The following OSBPL1A variants were observed in gnomAD, a reference collection of about 807,000 sequenced individuals.
OSBPL1A encodes oxysterol binding protein like 1A, also known as oxysterol-binding protein-related protein 1.
In OSBPL1A, 80 loss-of-function variants were observed where a neutral mutation model predicts 137.1. The observed-to-expected ratio is 0.58, with a 90% CI of 0.49 to 0.70. OSBPL1A has a LOEUF of 0.70. Among genes scored for constraint, OSBPL1A ranks in the 30% least tolerant of loss-of-function variants. The pLI is 0.00. For synonymous variants in OSBPL1A, 365 were observed against 389.7 expected, an observed-to-expected ratio of 0.94 and a Z score of 0.75; for missense variants, 970 against 1,129.4, an observed-to-expected ratio of 0.86 and a Z score of 2.02.
intron 4 of OSBPL1A, among the ~76,000 whole-genome samples, chr18:24,356,199 A>G (rs1034689251): frequency 6.6e-6 from 1 of 151,874 alleles, no homozygotes; most frequent in African/African-American, 2.4e-5. Flanking sequence ...AAAAGTTATG[A>G]TACCTTGTCC....
chr18:24,250,562 C>G (rs185280868), intron 15 of OSBPL1A, among the ~76,000 whole-genome samples: 1 of 152,288 alleles, frequency 6.6e-6, no homozygotes, highest in Admixed American at 6.5e-5. Flanking sequence ...GCATTTATCA[C>G]CTGCTAACTG....
At chr18:24,354,860 G>A (rs912445885) in intron 4 of OSBPL1A, among the ~76,000 whole-genome samples, 3 of 150,710 alleles carry the variant, frequency 2.0e-5, no homozygotes, top group African/African-American at 4.9e-5. Flanking sequence ...TCTATTAACC[G>A]TTTCCTTAAC....
chr18:24,349,567 A>ATATC (rs2091402301), intron 4 of OSBPL1A, among the ~76,000 whole-genome samples: 1 of 152,102 alleles, frequency 6.6e-6, no homozygotes, highest in African/African-American at 2.4e-5. Flanking sequence ...CTTAAGAAAA[A>ATATC]TATCCCAGGC....
chr18:24,286,242 CAG>C (rs1344620471), intron 14 of OSBPL1A, among the ~76,000 whole-genome samples: 1 of 152,086 alleles, frequency 6.6e-6, no homozygotes, highest in African/African-American at 2.4e-5. Context: ...CTTTTCAAAA[CAG>C]GGAAAAAATG....
intron 17 of OSBPL1A, among the ~76,000 whole-genome samples, chr18:24,206,428 T>G (rs2087376975): frequency 6.6e-6 from 1 of 152,238 alleles, no homozygotes; most frequent in Non-Finnish European, 1.5e-5. Flanking sequence ...TGCCATTTAA[T>G]AATTCATTGG....
intron 17 of OSBPL1A, among the ~76,000 whole-genome samples, chr18:24,211,908 C>CAA (rs36083802): frequency 3.9e-4 from 56 of 145,012 alleles, no homozygotes; most frequent in East Asian, 1.4e-3. Flanking sequence ...AACTCCATCT[C>CAA]AAAAAAAAAA....
intron 9 of OSBPL1A, 44 bp from the exon 10 acceptor site, chr18:24,317,444 A>G (rs1156481808): frequency 5.5e-6 from 8 of 1,446,080 alleles, no homozygotes; most frequent in Non-Finnish European, 7.8e-6. Flanking sequence ...ACACATCTAG[A>G]TTCAAATGCT....
intron 1 of OSBPL1A, among the ~76,000 whole-genome samples, chr18:24,388,341 G>A (rs1444561304): frequency 6.6e-6 from 1 of 152,124 alleles, no homozygotes; most frequent in Non-Finnish European, 1.5e-5. Context: ...TAGTTAACCG[G>A]ATGGATGGAT....
At chr18:24,339,588 C>G (rs1471920124) in intron 5 of OSBPL1A, among the ~76,000 whole-genome samples, 1 of 152,192 alleles carries the variant, frequency 6.6e-6, no homozygotes, top group Non-Finnish European at 1.5e-5. Context: ...ACTTGTCAGA[C>G]TAACCTAACA....
At chr18:24,372,274 CAAA>C (rs11369067) in intron 2 of OSBPL1A, among the ~76,000 whole-genome samples, 15 of 105,076 alleles carry the variant, frequency 1.4e-4, no homozygotes, top group Non-Finnish European at 1.7e-4. Flanking sequence ...GACGCTGTCG[CAAA>C]AAAAAAAAAA....
chr18:24,258,665 C>T (rs955249477), intron 15 of OSBPL1A, among the ~76,000 whole-genome samples: 1 of 152,052 alleles, frequency 6.6e-6, no homozygotes, highest in African/African-American at 2.4e-5. Context: ...AATGGCTATC[C>T]CATTTTCCAT....
Position 24,166,592 on chromosome 18 carries a change from T to C in OSBPL1A, c.2646A>G (p.Glu882=). The change falls in exon 26 of 28, where the codon GAA becomes GAG. Residue 882 remains glutamate, a synonymous_variant. Coordinates refer to ENST00000319481, the MANE Select transcript of OSBPL1A (RefSeq NM_080597.4). ...GATGCTAGTTACCTATCTCTCCATT[T>C]TCCATGGCTCTGATGTCAGGCCGTA... ...CRLRPDIRAM[E]NGEIDQASEE... The C allele has an allele frequency of 6.2e-7, 1 of 1,610,424 alleles. No individual in the cohort carries two copies. The highest frequency in any genetic ancestry group is 8.5e-7 in the Non-Finnish European group (1 of 1,178,934).
intron 15 of OSBPL1A, among the ~76,000 whole-genome samples, chr18:24,247,771 C>T (rs2088947685): frequency 6.6e-6 from 1 of 151,918 alleles, no homozygotes; most frequent in Non-Finnish European, 1.5e-5. Flanking sequence ...CACGCCTAGC[C>T]TACAAGAGGA....
At chr18:24,319,133 A>G (rs2090794577) in intron 7 of OSBPL1A, among the ~76,000 whole-genome samples, 1 of 152,234 alleles carries the variant, frequency 6.6e-6, no homozygotes, top group Admixed American at 6.5e-5. Flanking sequence ...GGCTGAAATC[A>G]ACATGTGGAC....
At chr18:24,290,666 G>C (rs902369364) in intron 14 of OSBPL1A, among the ~76,000 whole-genome samples, 3 of 152,150 alleles carry the variant, frequency 2.0e-5, no homozygotes, top group African/African-American at 7.2e-5. Context: ...CTGGGCAACA[G>C]AGCGAGGCTC....
chr18:24,343,129 C>T (rs1166307108), intron 4 of OSBPL1A, among the ~76,000 whole-genome samples: 5 of 151,762 alleles, frequency 3.3e-5, no homozygotes, highest in Admixed American at 3.3e-4. Flanking sequence ...AACATTTACA[C>T]CTCAATAATA....
chr18:24,309,124 T>G (rs535086053), intron 13 of OSBPL1A, among the ~76,000 whole-genome samples: 147 of 152,330 alleles, frequency 9.7e-4, no homozygotes, highest in Non-Finnish European at 1.9e-3. Context: ...GCCACATGTG[T>G]AAATAGCCAC....
intron 15 of OSBPL1A, among the ~76,000 whole-genome samples, chr18:24,273,690 G>C (rs2089775495): frequency 6.6e-6 from 1 of 152,138 alleles, no homozygotes; most frequent in Non-Finnish European, 1.5e-5. Flanking sequence ...CTAAGATACA[G>C]TTGCTTCCTT....
chr18:24,255,333 T>A (rs2089238579), intron 15 of OSBPL1A, among the ~76,000 whole-genome samples: 1 of 152,182 alleles, frequency 6.6e-6, no homozygotes, highest in Non-Finnish European at 1.5e-5. Context: ...AAGGGAATAC[T>A]TCCAAACTTA....
Sources: gnomAD v4.1 joint callset for allele counts (sites outside exome capture counted in the v4.1 genomes callset) on GRCh38, gnomAD v4.1.1 for gene constraint, MANE v1.5 for transcripts, NCBI Gene and HGNC (gene_info 2026-07-23, HGNC 2026-07-21) for gene names.